Variants in MAD1L1 observed in about 807,000 individuals in gnomAD.
The protein encoded by MAD1L1 is mitotic arrest deficient 1 like 1.
Under a neutral mutation model 96.9 loss-of-function variants are expected in MAD1L1, and 95 were observed. That is an observed-to-expected ratio of 0.98 (90% CI 0.83 to 1.16). MAD1L1 has a LOEUF of 1.16. Among genes scored for constraint, MAD1L1 ranks in the 50% most tolerant of loss-of-function variants. MAD1L1 has a pLI of 0.00. For synonymous variants in MAD1L1, 473 were observed against 396.6 expected (o/e 1.19, Z -2.29); for missense variants, 1,007 against 954.4 (o/e 1.06, Z -0.73).
intron 11 of MAD1L1, among the ~76,000 whole-genome samples, chr7:2,139,575 G>A (rs1788924862): frequency 1.3e-5 from 2 of 152,138 alleles, no homozygotes; most frequent in South Asian, 4.1e-4. Context: ...AGGGGCTGGG[G>A]CCAAAGGCAG....
At chr7:2,210,698 C>T (rs73041353) in intron 10 of MAD1L1, among the ~76,000 whole-genome samples, 3,917 of 152,262 alleles carry the variant, frequency 0.026, 79 homozygotes, top group South Asian at 0.049. Context: ...CAAGGAGCAG[C>T]GGGGAGCCCT....
intron 10 of MAD1L1, among the ~76,000 whole-genome samples, chr7:2,160,848 T>A (rs1186534381): frequency 6.6e-6 from 1 of 152,194 alleles, no homozygotes; most frequent in Non-Finnish European, 1.5e-5. Context: ...GTTCAATAAG[T>A]AATTTTCAAA....
At chr7:1,860,572 C>T (rs4644136) in intron 18 of MAD1L1, among the ~76,000 whole-genome samples, 66,085 of 152,056 alleles carry the variant, frequency 0.43, 14,825 homozygotes, top group East Asian at 0.55. Context: ...TCACAAAACG[C>T]TTTGTTCTTC....
chr7:2,091,024 T>G (rs542365682), intron 11 of MAD1L1, among the ~76,000 whole-genome samples: 33 of 152,314 alleles, frequency 2.2e-4, no homozygotes, highest in African/African-American at 7.9e-4. Flanking sequence ...CCCGCGTTTA[T>G]TTGACGCGTC....
intron 18 of MAD1L1, among the ~76,000 whole-genome samples, chr7:1,837,942 G>A (rs1406856747): frequency 6.6e-6 from 1 of 152,212 alleles, no homozygotes; most frequent in Non-Finnish European, 1.5e-5. Context: ...TGGTGGCATC[G>A]GGGGCAGGTC....
At chr7:2,034,568 G>C (rs1166163523) in intron 12 of MAD1L1, among the ~76,000 whole-genome samples, 1 of 152,188 alleles carries the variant, frequency 6.6e-6, no homozygotes, top group Non-Finnish European at 1.5e-5. Context: ...AGCCAAAAAA[G>C]ATTTTATTTT....
At chr7:1,973,503 C>A (rs983636180) in intron 15 of MAD1L1, among the ~76,000 whole-genome samples, 2 of 152,046 alleles carry the variant, frequency 1.3e-5, no homozygotes, top group African/African-American at 4.8e-5. Flanking sequence ...GAGCTGGGCC[C>A]CTACAGTGGG....
chr7:1,910,606 T>G (rs1384799905), intron 17 of MAD1L1, among the ~76,000 whole-genome samples: 1 of 152,194 alleles, frequency 6.6e-6, no homozygotes, highest in Non-Finnish European at 1.5e-5. Context: ...ACCAGTGGTC[T>G]TCTGGGCACC....
chr7:2,188,070 C>T (rs1327164587), intron 10 of MAD1L1, among the ~76,000 whole-genome samples: 1 of 152,184 alleles, frequency 6.6e-6, no homozygotes, highest in Non-Finnish European at 1.5e-5. Flanking sequence ...AAAAGACCTA[C>T]ATAATTCAGT....
intron 10 of MAD1L1, among the ~76,000 whole-genome samples, chr7:2,176,619 A>G (rs1007929460): frequency 6.6e-5 from 10 of 152,238 alleles, no homozygotes; most frequent in Admixed American, 3.3e-4. Context: ...TGAATTCAGC[A>G]AAGTCACAGG....
Position 2,088,013 on chromosome 7 carries a change from C to T in MAD1L1, c.1074-18675G>A, listed in dbSNP as rs1352812343. Among the ~76,000 whole-genome samples, 2 of 152,200 alleles carry T rather than the reference C, an allele frequency of 1.3e-5. No homozygotes were observed. The highest frequency in any genetic ancestry group is 2.9e-5 in the Non-Finnish European group (2 of 68,040). On this transcript the variant is annotated intron_variant, in intron 11 of 18. Transcript: ENST00000265854. The surrounding 1 kb of genome is among the most constrained non-coding windows in gnomAD (Gnocchi z 4.4). ...TTCCCCTCTCACAGCTAACTGGATC[C>T]GTTTCCCAGCAGATCGAGGCTTGAG...
chr7:2,094,422 A>T (rs915649616), intron 11 of MAD1L1, among the ~76,000 whole-genome samples: 1 of 152,224 alleles, frequency 6.6e-6, no homozygotes, highest in African/African-American at 2.4e-5. Context: ...CCTTCAAGTG[A>T]CAAGACGGAT....
intron 12 of MAD1L1, among the ~76,000 whole-genome samples, chr7:2,061,784 T>C (rs910008224): frequency 6.6e-6 from 1 of 152,270 alleles, no homozygotes; most frequent in Non-Finnish European, 1.5e-5. Flanking sequence ...AAGTGTATTT[T>C]AAAAAGTGGT....
At chr7:2,216,316 G>A (rs1486202409) in intron 7 of MAD1L1, 29 bp from the exon 8 acceptor site, 1 of 1,602,108 alleles carries the variant, frequency 6.2e-7, no homozygotes, top group Non-Finnish European at 8.5e-7. Flanking sequence ...AGAGAAGAAG[G>A]GAAAAATGAG....
rs566339927 is a variant in MAD1L1, at chr7:2,005,644, T to G, written c.1360-3523A>C. Reference sequence around the variant, plus strand: ...ACAGAGATCCTGTTTCTATAAAAAATTTAAAAATCAGCTGGGTGTGGTAGC... The same window carrying G: ...ACAGAGATCCTGTTTCTATAAAAAAGTTAAAAATCAGCTGGGTGTGGTAGC... On this transcript the variant is annotated intron_variant, in intron 13 of 18. Transcript: ENST00000265854. Among the ~76,000 whole-genome samples, 3 of 151,916 alleles carry G rather than the reference T, an allele frequency of 2.0e-5. No homozygotes were observed. In the East Asian group the frequency reaches 5.8e-4, roughly 30 times the overall value.
At chr7:2,099,808 C>A (rs986584864) in intron 11 of MAD1L1, among the ~76,000 whole-genome samples, 2 of 152,366 alleles carry the variant, frequency 1.3e-5, no homozygotes, top group East Asian at 3.9e-4. Context: ...GCCATTCTGG[C>A]CATGAAACTA....
intron 18 of MAD1L1, among the ~76,000 whole-genome samples, chr7:1,876,405 C>T (rs1032159077): frequency 2.0e-5 from 3 of 148,342 alleles, no homozygotes; most frequent in South Asian, 2.3e-4. Flanking sequence ...CTTTCCCCAC[C>T]GTCCTCACCC....
chr7:1,887,747 A>G (rs1281255577), intron 18 of MAD1L1, among the ~76,000 whole-genome samples: 2 of 99,494 alleles, frequency 2.0e-5, no homozygotes, highest in East Asian at 3.7e-4. Context: ...CTTCCTGTGC[A>G]TGTGTCCATG....
At chr7:1,825,957 C>T (rs1782369209) in intron 18 of MAD1L1, among the ~76,000 whole-genome samples, 1 of 152,150 alleles carries the variant, frequency 6.6e-6, no homozygotes, top group African/African-American at 2.4e-5. Flanking sequence ...AGCACGGTCC[C>T]AGCCCCAGGG....
Sources: allele counts gnomAD v4.1 joint callset (sites outside exome capture counted in the v4.1 genomes callset), GRCh38; gene constraint gnomAD v4.1.1; non-coding constraint Gnocchi (gnomAD v3.1); transcripts MANE v1.5; gene names NCBI Gene and HGNC (gene_info 2026-07-23, HGNC 2026-07-21).